GNB1: variants seen among roughly 807,000 people sequenced by gnomAD.
The protein encoded by GNB1 is guanine nucleotide-binding protein G(I)/G(S)/G(T) subunit beta-1.
GNB1 carries 2 observed loss-of-function variants against 42.9 expected under a neutral mutation model. The ratio of observed to expected loss-of-function variants is 0.05; its 90% CI spans 0.02 to 0.15. GNB1 has a LOEUF of 0.15. Among genes scored for constraint, GNB1 ranks in the 10% least tolerant of loss-of-function variants. The pLI is 1.00. For synonymous variants in GNB1, 183 were observed against 174.7 expected, an observed-to-expected ratio of 1.05 and a Z score of -0.38; for missense variants, 193 against 462.2, an observed-to-expected ratio of 0.42 and a Z score of 5.34.
At chr1:1,855,082 C>T (rs1648197382) in intron 1 of GNB1, among the ~76,000 whole-genome samples, 1 of 151,596 alleles carries the variant, frequency 6.6e-6, no homozygotes, top group South Asian at 2.1e-4. Context: ...TCGCTTGAAC[C>T]CTGGAGGCAA....
At chr1:1,880,404 C>T (rs1649776292) in intron 1 of GNB1, among the ~76,000 whole-genome samples, 2 of 151,718 alleles carry the variant, frequency 1.3e-5, no homozygotes, top group South Asian at 2.1e-4. Flanking sequence ...ATCGAGACCA[C>T]GGTGAAACCC....
intron 1 of GNB1, among the ~76,000 whole-genome samples, chr1:1,874,160 T>C (rs1264330923): frequency 6.6e-6 from 1 of 151,970 alleles, no homozygotes; most frequent in Non-Finnish European, 1.5e-5. Flanking sequence ...AAAGAAAGAC[T>C]AGCAAAGCAT....
chr1:1,885,213 G>A (rs2101925608), intron 1 of GNB1, among the ~76,000 whole-genome samples: 1 of 151,608 alleles, frequency 6.6e-6, no homozygotes, highest in East Asian at 2.0e-4. Context: ...AGCAGTTTGA[G>A]ACCAGCCTGG....
chr1:1,816,001 A>G (rs962357021), intron 4 of GNB1, 139 bp from the exon 5 acceptor site: 3 of 654,274 alleles, frequency 4.6e-6, no homozygotes, highest in Admixed American at 2.2e-5. Flanking sequence ...AGTGGCTTCC[A>G]CTGTGGCATT....
intron 2 of GNB1, among the ~76,000 whole-genome samples, chr1:1,830,762 G>T (rs1647065002): frequency 1.3e-5 from 2 of 151,814 alleles, no homozygotes; most frequent in Admixed American, 1.3e-4. Flanking sequence ...GCCCGGGCTG[G>T]TCTCAAACTC....
Position 1,825,457 on chromosome 1 carries a change from C to A in GNB1, c.-4G>T, listed in dbSNP as rs1646985679. The A allele has an allele frequency of 6.2e-7, 1 of 1,608,218 alleles. No homozygotes were observed. Among genetic ancestry groups the A allele is most frequent in the African/African-American group, 1.3e-5 (1 of 74,826 alleles). ...GTAACTGGTCAAGCTCACTCATCTTCCGATCTTAGTGCTCTTCAATGCCAC... is the reference window on the plus strand; with the variant it reads ...GTAACTGGTCAAGCTCACTCATCTTACGATCTTAGTGCTCTTCAATGCCAC... On this transcript the variant is annotated 5_prime_UTR_variant, in exon 3 of 12. Transcript: ENST00000378609.
At position 1,804,580 on chromosome 1, in the gene GNB1, A is replaced by G; in HGVS notation, c.269T>C (p.Val90Ala). Residue 90 changes from valine (V) to alanine (A), a missense_variant and splice_region_variant, in exon 7 of 12, where the codon GTC becomes GCC. By Grantham distance (64) the Val-to-Ala change is moderately conservative. This residue lies in a region of GNB1 where 150 missense variants were observed against 410.8 expected (regional missense o/e 0.37). Coordinates refer to ENST00000378609, the MANE Select transcript of GNB1 (RefSeq NM_002074.5). The part of the protein sequence containing the change: ...IIWDSYTTNK[V>A]HAIPLRSSWV... ...GGAGGAGCGCAGAGGGATGGCGTGG[A>G]CCTAATGACAGAAAGACAGATGATG... The G allele has an allele frequency of 6.3e-7, 1 of 1,578,636 alleles. No individual in the cohort carries two copies. The highest frequency in any genetic ancestry group is 8.6e-7 in the Non-Finnish European group (1 of 1,161,238).
At chr1:1,800,764 A>G (rs1359437045) in intron 7 of GNB1, among the ~76,000 whole-genome samples, 2 of 151,880 alleles carry the variant, frequency 1.3e-5, no homozygotes, top group East Asian at 1.9e-4. Context: ...AAAAAAAAAA[A>G]AAAAAAAGAA....
intron 10 of GNB1, 115 bp downstream of exon 10, chr1:1,788,938 C>CA: frequency 2.7e-6 from 2 of 751,402 alleles, no homozygotes; most frequent in Non-Finnish European, 4.5e-6. Flanking sequence ...CCTGCTACGC[C>CA]ATGCCACAGT....
intron 2 of GNB1, among the ~76,000 whole-genome samples, chr1:1,828,641 G>C (rs537537990): frequency 6.6e-6 from 1 of 152,254 alleles, no homozygotes; most frequent in East Asian, 1.9e-4. Flanking sequence ...AAAAAAACCA[G>C]ACGGACTTCT....
intron 1 of GNB1, among the ~76,000 whole-genome samples, chr1:1,863,359 T>G (rs1202204042): frequency 6.6e-6 from 1 of 152,074 alleles, no homozygotes; most frequent in Non-Finnish European, 1.5e-5. Context: ...TGTGAGATAA[T>G]TTGACTGATT....
Position 1,790,386 on chromosome 1 carries a change from C to G in GNB1, c.699+9G>C, listed in dbSNP as rs752350823. The G allele has an allele frequency of 6.2e-7, 1 of 1,603,870 alleles. No homozygotes were observed. The highest frequency in any genetic ancestry group is 8.5e-7 in the Non-Finnish European group (1 of 1,170,664). ...GAGGACCCGACCCCACACCTCCACC[C>G]AGACTCACGCAAATGGCATTGATGT... On this transcript the variant is annotated intron_variant, in intron 9 of 11. Transcript: ENST00000378609. The surrounding 1 kb of genome is among the most constrained non-coding windows in gnomAD (Gnocchi z 5.4).
intron 7 of GNB1, among the ~76,000 whole-genome samples, chr1:1,803,312 T>A (rs1401598192): frequency 6.6e-6 from 1 of 152,254 alleles, no homozygotes; most frequent in Non-Finnish European, 1.5e-5. Flanking sequence ...TATGCCTCAT[T>A]TGCAGAGACA....
intron 7 of GNB1, among the ~76,000 whole-genome samples, chr1:1,794,716 G>A (rs897663390): frequency 6.6e-6 from 1 of 152,210 alleles, no homozygotes; most frequent in Non-Finnish European, 1.5e-5. Context: ...TTTTGAGACA[G>A]AGTCTCGTGC....
intron 1 of GNB1, among the ~76,000 whole-genome samples, chr1:1,848,357 CAAAAAAAAAA>C (rs56979938): frequency 1.4e-4 from 13 of 94,366 alleles, no homozygotes; most frequent in Admixed American, 2.1e-4. Flanking sequence ...CCAGCCCAGG[CAAAAAAAAAA>C]AAAAAAAGAA....
At chr1:1,828,894 T>C (rs368119712) in intron 2 of GNB1, among the ~76,000 whole-genome samples, 52 of 149,846 alleles carry the variant, frequency 3.5e-4, no homozygotes, top group African/African-American at 9.6e-4. Flanking sequence ...CATACACACA[T>C]ACACACACAC....
At chr1:1,832,168 T>C (rs913492268) in intron 2 of GNB1, 2 of 152,140 alleles carry the variant, frequency 1.3e-5, no homozygotes, top group Non-Finnish European at 2.9e-5. Context: ...CTACTAAACG[T>C]AATATTGATG....
chr1:1,845,743 C>T (rs1320374003), intron 1 of GNB1, among the ~76,000 whole-genome samples: 1 of 151,478 alleles, frequency 6.6e-6, no homozygotes, highest in Non-Finnish European at 1.5e-5. Context: ...GAATGGCCCC[C>T]TGGGGTTCAA....
chr1:1,878,872 C>A (rs1194445798), intron 1 of GNB1, among the ~76,000 whole-genome samples: 1 of 152,220 alleles, frequency 6.6e-6, no homozygotes, highest in African/African-American at 2.4e-5. Context: ...CTGGAACTCA[C>A]TGGCCCTCAG....
Sources: allele counts gnomAD v4.1 joint callset (sites outside exome capture counted in the v4.1 genomes callset), GRCh38; gene constraint gnomAD v4.1.1; regional missense constraint gnomAD v4.1.1; non-coding constraint Gnocchi (gnomAD v3.1); transcripts MANE v1.5; gene names NCBI Gene and HGNC (gene_info 2026-07-23, HGNC 2026-07-21).